ZNF536: variants seen among roughly 807,000 people sequenced by gnomAD.
ZNF536 encodes the protein zinc finger protein 536.
A neutral mutation model predicts 84.5 loss-of-function variants in ZNF536; 13 were observed. That is an observed-to-expected ratio of 0.15 (90% CI 0.10 to 0.24). ZNF536 has a LOEUF of 0.24. Among genes scored for constraint, ZNF536 ranks in the 10% least tolerant of loss-of-function variants. The probability of loss-of-function intolerance (pLI) is 1.00; values close to 1 mark genes in which losing one functional copy is unlikely to be tolerated. For synonymous variants in ZNF536, 811 were observed against 742.5 expected (o/e 1.09, Z -1.50); for missense variants, 1,536 against 1,747.5 (o/e 0.88, Z 2.16).
chr19:30,639,297 T>G (rs1327372911), intron 1 of ZNF536, among the ~76,000 whole-genome samples: 1 of 152,262 alleles, frequency 6.6e-6, no homozygotes, highest in Admixed American at 6.5e-5. Flanking sequence ...TAACTATTTT[T>G]AAGAACGTAT....
At chr19:30,277,486 G>C (rs1364127095) in intron 1 of ZNF536, among the ~76,000 whole-genome samples, 1 of 152,186 alleles carries the variant, frequency 6.6e-6, no homozygotes, top group Non-Finnish European at 1.5e-5. Flanking sequence ...CTCCATCAAA[G>C]TTACCTTTGT....
chr19:30,490,697 C>A (rs1368576408), intron 2 of ZNF536, among the ~76,000 whole-genome samples: 1 of 152,144 alleles, frequency 6.6e-6, no homozygotes, highest in Non-Finnish European at 1.5e-5. Context: ...TGTCCTAGGG[C>A]ACCCCAAGAT....
At chr19:30,712,086 T>G (rs1394172863) in exon 2 of ZNF536, 1 of 152,164 alleles carries the variant, frequency 6.6e-6, no homozygotes, top group Non-Finnish European at 1.5e-5. Context: ...GCTCTCTATC[T>G]CTAATGACGA....
At chr19:30,464,770 C>T (rs2053309483) in intron 2 of ZNF536, among the ~76,000 whole-genome samples, 1 of 152,002 alleles carries the variant, frequency 6.6e-6, no homozygotes. Context: ...AAGGGCAGAA[C>T]ATGAGTGCCC....
intron 1 of ZNF536, among the ~76,000 whole-genome samples, chr19:30,274,798 G>T (rs1479995549): frequency 6.6e-6 from 1 of 152,116 alleles, no homozygotes; most frequent in African/African-American, 2.4e-5. Context: ...CATTACCTCT[G>T]GTAGCACAGG....
At chr19:30,406,881 A>G (rs1202728053) in intron 1 of ZNF536, among the ~76,000 whole-genome samples, 1 of 152,196 alleles carries the variant, frequency 6.6e-6, no homozygotes, top group Non-Finnish European at 1.5e-5. Context: ...TGATCCCTAA[A>G]CAGTGTAGAA....
chr19:30,526,785 G>A (rs1438505824), intron 2 of ZNF536, among the ~76,000 whole-genome samples: 2 of 151,650 alleles, frequency 1.3e-5, no homozygotes, highest in Non-Finnish European at 2.9e-5. Context: ...AACACATTTG[G>A]CCCACAGTTC....
chr19:30,253,747 G>C (rs1417163713), intron 1 of ZNF536, among the ~76,000 whole-genome samples: 1 of 152,088 alleles, frequency 6.6e-6, no homozygotes, highest in Admixed American at 6.5e-5. Flanking sequence ...GACAGCTCCA[G>C]CCGGGCTCAG....
rs185862086 is a variant in ZNF536, at chr19:30,427,351, A to G, written c.-2-16210A>G. Among the ~76,000 whole-genome samples, 562 of 152,346 alleles carry G rather than the reference A, an allele frequency of 3.7e-3. 6 individuals are homozygous for G. The highest frequency in any genetic ancestry group is 0.013 in the African/African-American group (543 of 41,574). On this transcript the variant is annotated intron_variant, in intron 1 of 4. Coordinates refer to ENST00000355537, the MANE Select transcript of ZNF536 (RefSeq NM_014717.3). ...AGAGTGATAGGAAGAGAGATAAGGT[A>G]GGATGCAGCAGTGGCCCTTTGGTGG...
At chr19:30,535,368 C>T (rs1349299511) in intron 3 of ZNF536, among the ~76,000 whole-genome samples, 1 of 152,084 alleles carries the variant, frequency 6.6e-6, no homozygotes, top group Non-Finnish European at 1.5e-5. Flanking sequence ...GTGATGGGGT[C>T]TCAGCTCAAA....
chr19:30,267,750 C>T (rs1175130682), intron 1 of ZNF536, among the ~76,000 whole-genome samples: 1 of 152,132 alleles, frequency 6.6e-6, no homozygotes, highest in Non-Finnish European at 1.5e-5. Context: ...CTCTGTTTGA[C>T]CCTTCCTTAC....
At chr19:30,581,631 A>G (rs960072902) in intron 1 of ZNF536, among the ~76,000 whole-genome samples, 45 of 152,226 alleles carry the variant, frequency 3.0e-4, no homozygotes, top group African/African-American at 1.0e-3. Context: ...CTGTGGCTGG[A>G]AGCAGGACAG....
intron 3 of ZNF536, among the ~76,000 whole-genome samples, chr19:30,540,333 C>A (rs1355872398): frequency 6.6e-6 from 1 of 152,140 alleles, no homozygotes; most frequent in Non-Finnish European, 1.5e-5. Context: ...GGCTGCACAC[C>A]CAGTCGGGTG....
At chr19:30,305,210 A>AAC (rs1206283503) in intron 2 of ZNF536, among the ~76,000 whole-genome samples, 1 of 152,158 alleles carries the variant, frequency 6.6e-6, no homozygotes, top group African/African-American at 2.4e-5. Flanking sequence ...GAGGAAGCTC[A>AAC]TATAGAGTTT....
rs1043961809 is a variant in ZNF536 at position 30,308,108 on chromosome 19, T to C, written c.-120+23967T>C. 6.6e-5 allele frequency among the ~76,000 whole-genome samples: 10 copies of C among 152,352 alleles called. No homozygotes were observed. In the East Asian group the frequency reaches 1.5e-3, roughly 24 times the overall value. On this transcript the variant is annotated intron_variant, in intron 2 of 5. Coordinates refer to the ZNF536 transcript ENST00000585628. ...GGCTGGTGACATCTTGGAGAACTTA[T>C]GTAGCACATCTCAAGGGAGGTGTCA...
intron 2 of ZNF536, among the ~76,000 whole-genome samples, chr19:30,321,274 G>A (rs2046845510): frequency 6.6e-6 from 1 of 152,216 alleles, no homozygotes; most frequent in Non-Finnish European, 1.5e-5. Context: ...ATGGTAGAAA[G>A]GGGCCGGTGC....
chr19:30,545,770 C>G (rs1433982216), intron 3 of ZNF536, among the ~76,000 whole-genome samples: 1 of 152,152 alleles, frequency 6.6e-6, no homozygotes, highest in African/African-American at 2.4e-5. Flanking sequence ...ACAGTCCCCA[C>G]CCAGAAAGGC....
chr19:30,371,651 A>G (rs976923988), upstream of ZNF536, among the ~76,000 whole-genome samples: 8 of 143,368 alleles, frequency 5.6e-5, no homozygotes. Context: ...TCCCTGCTGT[A>G]TTTTTGCAGG....
At chr19:30,497,270 G>A (rs539560320) in intron 2 of ZNF536, among the ~76,000 whole-genome samples, 131 of 152,262 alleles carry the variant, frequency 8.6e-4, no homozygotes, top group African/African-American at 2.9e-3. Flanking sequence ...TCACTCTGCC[G>A]GTGACCTTTC....
Sources: gnomAD v4.1 joint callset for allele counts (sites outside exome capture counted in the v4.1 genomes callset) on GRCh38, gnomAD v4.1.1 for gene constraint, MANE v1.5 for transcripts, NCBI Gene and HGNC (gene_info 2026-07-23, HGNC 2026-07-21) for gene names.